Variants in ENTREP2 observed in about 807,000 individuals in gnomAD.
ENTREP2 encodes the protein endosomal transmembrane epsin interactor 2.
chr15:29,550,030 G>C, the ENTREP2 span, among the ~76,000 whole-genome samples: 7,573 of 152,232 alleles, frequency 0.05, 596 homozygotes, highest in African/African-American at 0.17. Flanking sequence ...CACAGTTCTG[G>C]TGGCTGTTTC....
chr15:29,635,394 C>A, the ENTREP2 span, among the ~76,000 whole-genome samples: 4 of 152,116 alleles, frequency 2.6e-5, no homozygotes, highest in Non-Finnish European at 5.9e-5. Flanking sequence ...TTCACAATAT[C>A]ACAGGGGCCA....
At chr15:29,655,515 A>G in the ENTREP2 span, among the ~76,000 whole-genome samples, 1 of 152,212 alleles carries the variant, frequency 6.6e-6, no homozygotes, top group African/African-American at 2.4e-5. Flanking sequence ...GAAAGCAACA[A>G]AAAGCAATCC....
the ENTREP2 span, among the ~76,000 whole-genome samples, chr15:29,637,069 C>T: frequency 1.3e-5 from 2 of 152,262 alleles, no homozygotes; most frequent in East Asian, 3.9e-4. Flanking sequence ...ATAAGTAAAT[C>T]CTCATACAGC....
At chr15:29,368,337 A>AATATAT in the ENTREP2 span, among the ~76,000 whole-genome samples, 25 of 146,170 alleles carry the variant, frequency 1.7e-4, no homozygotes, top group East Asian at 8.3e-4. Flanking sequence ...CAAAAAAAAA[A>AATATAT]ATATATATAT....
chr15:29,533,730 C>T, the ENTREP2 span, among the ~76,000 whole-genome samples: 1 of 152,046 alleles, frequency 6.6e-6, no homozygotes, highest in Non-Finnish European at 1.5e-5. Flanking sequence ...TTAGACGAGC[C>T]AGTCTGACAT....
the ENTREP2 span, among the ~76,000 whole-genome samples, chr15:29,141,690 C>T: frequency 3.9e-5 from 6 of 152,222 alleles, no homozygotes. Flanking sequence ...TCCAGAAAGA[C>T]TCAGAATTAC....
the ENTREP2 span, among the ~76,000 whole-genome samples, chr15:29,513,288 C>A: frequency 2.0e-5 from 3 of 152,152 alleles, no homozygotes; most frequent in Non-Finnish European, 4.4e-5. Flanking sequence ...GCCCAAAGCA[C>A]CCTAAAGCCA....
chr15:29,269,421 G>C, the ENTREP2 span: 2 of 1,614,150 alleles, frequency 1.2e-6, no homozygotes, highest in Non-Finnish European at 1.7e-6. Flanking sequence ...TAATCAGCAA[G>C]AACTGCACCA....
At chr15:29,399,537 T>G in the ENTREP2 span, among the ~76,000 whole-genome samples, 142 of 152,350 alleles carry the variant, frequency 9.3e-4, 1 homozygote, top group African/African-American at 3.4e-3. Context: ...AAATTCAGTA[T>G]GTTACCTGGT....
At chr15:29,130,215 G>C in the ENTREP2 span, among the ~76,000 whole-genome samples, 1 of 152,170 alleles carries the variant, frequency 6.6e-6, no homozygotes, top group Middle Eastern at 3.2e-3. Flanking sequence ...TGCGTCCTTT[G>C]ATCTCACTAA....
the ENTREP2 span, chr15:29,269,198 C>T: frequency 2.5e-6 from 4 of 1,614,158 alleles, no homozygotes; most frequent in South Asian, 4.4e-5. Flanking sequence ...GTGCCTTGGT[C>T]ACCCCTCATC....
At chr15:29,430,893 T>C in the ENTREP2 span, among the ~76,000 whole-genome samples, 1 of 152,190 alleles carries the variant, frequency 6.6e-6, no homozygotes, top group Non-Finnish European at 1.5e-5. Context: ...GAGATCCTCA[T>C]GGTCCCCAGG....
the ENTREP2 span, among the ~76,000 whole-genome samples, chr15:29,154,143 T>C: frequency 1.3e-5 from 2 of 152,242 alleles, no homozygotes; most frequent in Admixed American, 1.3e-4. Flanking sequence ...TCTTGGGACT[T>C]TGCTGAAATT....
the ENTREP2 span, among the ~76,000 whole-genome samples, chr15:29,362,731 T>C: frequency 2.0e-5 from 3 of 152,198 alleles, no homozygotes; most frequent in Non-Finnish European, 2.9e-5. Flanking sequence ...GTTAAGTTTT[T>C]ATATATTTTC....
chr15:29,589,148 A>T, the ENTREP2 span, among the ~76,000 whole-genome samples: 1 of 152,172 alleles, frequency 6.6e-6, no homozygotes, highest in African/African-American at 2.4e-5. Flanking sequence ...CATTGGGGCC[A>T]GGCACGTGGA....
the ENTREP2 span, among the ~76,000 whole-genome samples, chr15:29,612,364 C>T: frequency 2.6e-5 from 4 of 152,102 alleles, no homozygotes; most frequent in East Asian, 1.9e-4. Context: ...GAGGAGATGA[C>T]GGCGTGAGTT....
chr15:29,432,302 G>C, the ENTREP2 span, among the ~76,000 whole-genome samples: 1 of 152,114 alleles, frequency 6.6e-6, no homozygotes, highest in East Asian at 1.9e-4. Flanking sequence ...ACCAGGCTCA[G>C]ACTCCCAGGC....
chr15:29,164,862 A>C, the ENTREP2 span, among the ~76,000 whole-genome samples: 1 of 152,228 alleles, frequency 6.6e-6, no homozygotes, highest in Non-Finnish European at 1.5e-5. Context: ...TTCATCCAAC[A>C]ACCTCAGAAT....
chr15:29,553,781 A>G, the ENTREP2 span, among the ~76,000 whole-genome samples: 11 of 152,192 alleles, frequency 7.2e-5, no homozygotes, highest in African/African-American at 2.4e-4. Context: ...CCAGCAGGCC[A>G]CAACTGCCAG....
Sources: allele counts gnomAD v4.1 joint callset (sites outside exome capture counted in the v4.1 genomes callset), GRCh38; gene constraint gnomAD v4.1.1; transcripts MANE v1.5; gene names NCBI Gene and HGNC (gene_info 2026-07-23, HGNC 2026-07-21).